Variants in CACNA2D1 observed in about 807,000 individuals in gnomAD.
CACNA2D1 encodes voltage-dependent calcium channel subunit alpha-2/delta-1.
CACNA2D1 carries 53 observed loss-of-function variants against 171.5 expected under a neutral mutation model. The ratio of observed to expected loss-of-function variants is 0.31; its 90% CI spans 0.25 to 0.39. The LOEUF is 0.39. Among genes scored for constraint, CACNA2D1 ranks in the 10% least tolerant of loss-of-function variants. The probability of loss-of-function intolerance (pLI) is 1.00; values close to 1 mark genes in which losing one functional copy is unlikely to be tolerated. For missense variants in CACNA2D1, 903 were observed against 1,299.8 expected (o/e 0.69, Z 4.69); for synonymous variants, 442 against 443.1 (o/e 1.00, Z 0.03).
At chr7:82,324,443 A>T (rs1816385366) in intron 3 of CACNA2D1, among the ~76,000 whole-genome samples, 1 of 152,086 alleles carries the variant, frequency 6.6e-6, no homozygotes, top group African/African-American at 2.4e-5. Flanking sequence ...TAATCAGAAC[A>T]AAATGTTACG....
intron 3 of CACNA2D1, among the ~76,000 whole-genome samples, chr7:82,299,155 C>G (rs1017385327): frequency 5.3e-5 from 8 of 151,066 alleles, no homozygotes; most frequent in African/African-American, 1.9e-4. Context: ...GCTTATCATA[C>G]AAACATGTTG....
intron 6 of CACNA2D1, among the ~76,000 whole-genome samples, chr7:82,102,322 G>A (rs890976384): frequency 6.6e-6 from 1 of 151,952 alleles, no homozygotes; most frequent in African/African-American, 2.4e-5. Context: ...ATCCTGAGAA[G>A]CAGAGGAAGC....
intron 3 of CACNA2D1, among the ~76,000 whole-genome samples, chr7:82,324,395 A>G (rs1307041391): frequency 6.6e-6 from 1 of 151,756 alleles, no homozygotes; most frequent in African/African-American, 2.4e-5. Context: ...TTGTTTTAAA[A>G]AAAAAAAAAC....
Position 82,405,961 on chromosome 7 carries a change from C to A in CACNA2D1, c.95+37404G>T, listed in dbSNP as rs571543081. 3.3e-5 allele frequency among the ~76,000 whole-genome samples: 5 copies of A among 152,028 alleles called. No homozygotes were observed. In the South Asian group the frequency reaches 8.3e-4, roughly 25 times the overall value. ...ACGTGCAGGTTTGTTACATATGTATCCACGTGCCATGTTGGTGTGCTGCAC... is the reference window on the plus strand; with the variant it reads ...ACGTGCAGGTTTGTTACATATGTATACACGTGCCATGTTGGTGTGCTGCAC... On this transcript the variant is annotated intron_variant, in intron 1 of 38. Coordinates refer to ENST00000356860, the MANE Select transcript of CACNA2D1 (RefSeq NM_000722.4).
At chr7:82,108,820 T>C (rs1788049539) in intron 6 of CACNA2D1, among the ~76,000 whole-genome samples, 1 of 152,204 alleles carries the variant, frequency 6.6e-6, no homozygotes, top group Non-Finnish European at 1.5e-5. Flanking sequence ...TTATTAATTA[T>C]GGTCAAATTA....
chr7:81,982,197 T>G (rs1317323294), intron 24 of CACNA2D1, among the ~76,000 whole-genome samples: 2 of 152,090 alleles, frequency 1.3e-5, no homozygotes, highest in East Asian at 3.9e-4. Flanking sequence ...TGGCATGATC[T>G]CAGCTCCCTG....
At chr7:82,273,865 A>C (rs1808963125) in intron 3 of CACNA2D1, among the ~76,000 whole-genome samples, 1 of 152,196 alleles carries the variant, frequency 6.6e-6, no homozygotes, top group African/African-American at 2.4e-5. Context: ...TAATATTTAT[A>C]CCTGGGTGTA....
chr7:81,992,568 CAAGT>C (rs1797657201), intron 20 of CACNA2D1, among the ~76,000 whole-genome samples: 1 of 151,908 alleles, frequency 6.6e-6, no homozygotes, highest in Non-Finnish European at 1.5e-5. Context: ...ACAGGGCAAG[CAAGT>C]GTTGGTCTGC....
At chr7:82,258,136 G>A (rs900137928) in intron 3 of CACNA2D1, among the ~76,000 whole-genome samples, 4 of 152,036 alleles carry the variant, frequency 2.6e-5, no homozygotes, top group African/African-American at 9.7e-5. Context: ...TGAAGATACA[G>A]GAGTTCAAAG....
intron 7 of CACNA2D1, among the ~76,000 whole-genome samples, chr7:82,073,916 A>C (rs918315399): frequency 6.6e-6 from 1 of 152,180 alleles, no homozygotes; most frequent in Admixed American, 6.5e-5. Context: ...TTTATTTTGA[A>C]TGAATGATAA....
At chr7:82,423,068 T>C (rs1028118406) in intron 1 of CACNA2D1, among the ~76,000 whole-genome samples, 2 of 152,134 alleles carry the variant, frequency 1.3e-5, no homozygotes, top group African/African-American at 2.4e-5. Flanking sequence ...CAAGAATATA[T>C]TGTTTAATTC....
intron 3 of CACNA2D1, among the ~76,000 whole-genome samples, chr7:82,238,861 A>C (rs1341945524): frequency 6.6e-6 from 1 of 152,078 alleles, no homozygotes; most frequent in Non-Finnish European, 1.5e-5. Flanking sequence ...AATAGACTAG[A>C]TATTGCTTGG....
At chr7:82,335,284 A>G (rs1209557320) in intron 2 of CACNA2D1, 33 bp from the exon 3 acceptor site, 1 of 1,223,682 alleles carries the variant, frequency 8.2e-7, no homozygotes, top group Non-Finnish European at 1.2e-6. Context: ...TAGTAAGAAC[A>G]ATAGTTACTT....
chr7:81,994,526 C>T (rs1274935476), intron 20 of CACNA2D1, among the ~76,000 whole-genome samples: 3 of 152,008 alleles, frequency 2.0e-5, no homozygotes, highest in Non-Finnish European at 4.4e-5. Flanking sequence ...AATTTTGTAA[C>T]ATTGGCATAG....
chr7:82,364,740 ACTT>A (rs1306413040), intron 1 of CACNA2D1, among the ~76,000 whole-genome samples: 1 of 152,092 alleles, frequency 6.6e-6, no homozygotes, highest in Non-Finnish European at 1.5e-5. Flanking sequence ...TCCAAAGAAA[ACTT>A]CTCTGTCAGG....
At chr7:82,056,516 C>A (rs1196565653) in intron 10 of CACNA2D1, among the ~76,000 whole-genome samples, 3 of 151,976 alleles carry the variant, frequency 2.0e-5, no homozygotes, top group African/African-American at 7.3e-5. Flanking sequence ...GTACTGCTTG[C>A]AAAATAGGCC....
intron 3 of CACNA2D1, among the ~76,000 whole-genome samples, chr7:82,283,721 A>G (rs1387780013): frequency 1.3e-5 from 2 of 152,216 alleles, no homozygotes; most frequent in Admixed American, 1.3e-4. Context: ...ATTAAATTGC[A>G]TAAGGGAAAA....
At position 82,294,912 on chromosome 7, in the gene CACNA2D1, A is replaced by G. The variant is rs1277451984; in HGVS notation, c.294+40223T>C. 3.3e-5 allele frequency among the ~76,000 whole-genome samples: 5 copies of G among 152,202 alleles called. No homozygotes were observed. In the South Asian group the frequency reaches 1.0e-3, roughly 31 times the overall value. On this transcript the variant is annotated intron_variant, in intron 3 of 38. Transcript: ENST00000356860. ...TTATAAACATCTACATGACAAAAAA[A>G]GAAAGTTAAATCAGTCCAAGACATA...
At chr7:82,381,191 G>A (rs887425361) in intron 1 of CACNA2D1, among the ~76,000 whole-genome samples, 2 of 151,894 alleles carry the variant, frequency 1.3e-5, no homozygotes, top group Admixed American at 1.3e-4. Context: ...GCGGGCCCCT[G>A]TAGTCCCAGC....
Sources: allele counts gnomAD v4.1 joint callset (sites outside exome capture counted in the v4.1 genomes callset), GRCh38; gene constraint gnomAD v4.1.1; transcripts MANE v1.5; gene names NCBI Gene and HGNC (gene_info 2026-07-23, HGNC 2026-07-21).